Variants in ASPH observed in about 807,000 individuals in gnomAD.
The protein encoded by ASPH is aspartyl/asparaginyl beta-hydroxylase.
A neutral mutation model predicts 118.4 loss-of-function variants in ASPH; 100 were observed. That is an observed-to-expected ratio of 0.84 (90% CI 0.72 to 1.00). The LOEUF (loss-of-function observed/expected upper bound fraction) is 1.00. Ranked by LOEUF, ASPH falls within the 50% of genes least tolerant of loss-of-function variation. The probability of loss-of-function intolerance (pLI) is 0.00; values close to 1 mark genes in which losing one functional copy is unlikely to be tolerated. For synonymous variants in ASPH, 315 were observed against 325.6 expected (o/e 0.97, Z 0.35); for missense variants, 920 against 919.5 (o/e 1.00, Z -0.01).
rs1805240954 is a variant in ASPH, at chr8:61,503,285, A to C, written c.*74T>G. 6.7e-7 allele frequency: 1 copy of C among 1,490,798 alleles called. No homozygotes were observed. The highest frequency in any genetic ancestry group is 1.4e-5 in the South Asian group (1 of 73,720). The allele number at this position is 1,490,798 out of a possible 1,614,324, so 92.3% of individuals were successfully genotyped here. A position where few individuals can be genotyped will look rare whatever the true frequency, so the allele number is the denominator to read the frequency against. On this transcript the variant is annotated 3_prime_UTR_variant, in exon 25 of 25. Transcript: ENST00000379454. ...ATTGACTCTTGGTGTTCGAAATTCTATCCTCACACCCAAGGAGATGGAACC... is the reference window on the plus strand; with the variant it reads ...ATTGACTCTTGGTGTTCGAAATTCTCTCCTCACACCCAAGGAGATGGAACC...
chr8:61,638,098 C>T (rs921849567), intron 11 of ASPH, 95 bp from the exon 12 acceptor site: 17 of 1,307,434 alleles, frequency 1.3e-5, no homozygotes, highest in East Asian at 1.2e-4. Flanking sequence ...TAAATTAACT[C>T]GTGTCCACTC....
intron 22 of ASPH, 61 bp from the exon 23 acceptor site, chr8:61,518,184 T>C: frequency 1.4e-6 from 2 of 1,459,132 alleles, no homozygotes; most frequent in African/African-American, 1.4e-5. Context: ...TTATCCCATT[T>C]AGATGAGGTG....
intron 24 of ASPH, among the ~76,000 whole-genome samples, chr8:61,509,122 A>G (rs1586218194): frequency 6.6e-6 from 1 of 151,958 alleles, no homozygotes; most frequent in Non-Finnish European, 1.5e-5. Flanking sequence ...CTGAAGGAGG[A>G]GGAAAAAGAA....
chr8:61,523,523 G>C (rs1031362369), intron 22 of ASPH, among the ~76,000 whole-genome samples: 1 of 151,726 alleles, frequency 6.6e-6, no homozygotes, highest in Non-Finnish European at 1.5e-5. Context: ...CACCGTGTTG[G>C]TCAAGCTTGT....
chr8:61,688,627 CAT>C (rs1223524497), intron 1 of ASPH, among the ~76,000 whole-genome samples: 1 of 152,194 alleles, frequency 6.6e-6, no homozygotes, highest in Non-Finnish European at 1.5e-5. Context: ...AAACTCTACA[CAT>C]TTAAAGTTTT....
At chr8:61,683,160 T>C (rs1563574200) in intron 2 of ASPH, among the ~76,000 whole-genome samples, 1 of 151,922 alleles carries the variant, frequency 6.6e-6, no homozygotes, top group Non-Finnish European at 1.5e-5. Flanking sequence ...GAAAGTAGAT[T>C]AGTGTTTCCC....
chr8:61,565,153 T>C (rs1831256958), intron 17 of ASPH, among the ~76,000 whole-genome samples: 1 of 152,358 alleles, frequency 6.6e-6, no homozygotes, highest in South Asian at 2.1e-4. Context: ...CCTCAAATGA[T>C]AGTCTTTAGA....
chr8:61,676,411 G>A, intron 3 of ASPH: 4 of 1,201,160 alleles, frequency 3.3e-6, no homozygotes, highest in African/African-American at 1.5e-5. Flanking sequence ...AAAGCGAGGT[G>A]CATCAAGGTC....
intron 15 of ASPH, chr8:61,579,676 C>T: frequency 1.4e-6 from 2 of 1,382,534 alleles, no homozygotes; most frequent in Non-Finnish European, 2.0e-6. Flanking sequence ...AAGTGAACAG[C>T]TGTGGCAGCC....
intron 21 of ASPH, among the ~76,000 whole-genome samples, chr8:61,539,727 T>TGTGTGTGTGTGTGTGTGTGC (rs1377714049): frequency 6.6e-6 from 1 of 151,314 alleles, no homozygotes; most frequent in Non-Finnish European, 1.5e-5. Flanking sequence ...TGTGTGTGTG[T>TGTGTGTGTGTGTGTGTGTGC]GTGTGTGTGT....
chr8:61,656,978 C>T (rs1476361592), intron 3 of ASPH: 1 of 152,168 alleles, frequency 6.6e-6, no homozygotes, highest in Non-Finnish European at 1.5e-5. Context: ...TATTTAGCAC[C>T]TATTAATTCA....
intron 21 of ASPH, among the ~76,000 whole-genome samples, chr8:61,533,837 C>A (rs571081655): frequency 6.6e-6 from 1 of 152,306 alleles, no homozygotes; most frequent in Non-Finnish European, 1.5e-5. Context: ...CTGCTATTGT[C>A]TCCCTTTAAA....
At chr8:61,706,173 A>G (rs1836559690) in intron 1 of ASPH, among the ~76,000 whole-genome samples, 1 of 151,648 alleles carries the variant, frequency 6.6e-6, no homozygotes, top group South Asian at 2.1e-4. Context: ...CTGTAATCCC[A>G]GCACTTTGGG....
At position 61,670,235 on chromosome 8, in the gene ASPH, T is replaced by A. The variant is rs529681168; in HGVS notation, c.322+10733A>T. Among the ~76,000 whole-genome samples, 805 of 150,498 alleles carry A rather than the reference T, an allele frequency of 5.3e-3. 6 individuals carry two copies. Among genetic ancestry groups the A allele is most frequent in the African/African-American group, 0.018 (743 of 41,092 alleles). ...CAAAAAGAGAGTAAAGAAAAAAAAATTTTTTTTTGTATCCCAGAACTTAAA... is the reference window on the plus strand; with the variant it reads ...CAAAAAGAGAGTAAAGAAAAAAAAAATTTTTTTTGTATCCCAGAACTTAAA... On this transcript the variant is annotated intron_variant, in intron 3 of 24. Transcript: ENST00000379454.
At chr8:61,558,715 T>C (rs1170986010) in intron 18 of ASPH, among the ~76,000 whole-genome samples, 1 of 152,214 alleles carries the variant, frequency 6.6e-6, no homozygotes. Context: ...CTGCAGTTTA[T>C]ATGCGAATGT....
rs185904571 is a variant in ASPH, at chr8:61,643,800, T to G, written c.709+145A>C. 9.8e-6 allele frequency: 7 copies of G among 712,750 alleles called. No individual in the cohort carries two copies. The African/African-American group carries it at 1.1e-4, about 11-fold the overall frequency. 44.2% of individuals were successfully genotyped at this position (712,750 alleles called of 1,614,324 possible). On this transcript the variant is annotated intron_variant, in intron 8 of 24. Coordinates refer to ENST00000379454, the MANE Select transcript of ASPH (RefSeq NM_004318.4). Reference sequence around the variant, plus strand: ...GTATTAAACTATATTCAGACATTTCTATAAACATCTGACCAATCAAAAGTG... The same window carrying G: ...GTATTAAACTATATTCAGACATTTCGATAAACATCTGACCAATCAAAAGTG...
intron 5 of ASPH, 46 bp downstream of exon 5, chr8:61,651,004 G>T: frequency 6.6e-7 from 1 of 1,514,784 alleles, no homozygotes; most frequent in Non-Finnish European, 9.1e-7. Flanking sequence ...ACATAACTAA[G>T]CGTTATTTTA....
chr8:61,702,213 C>T (rs1245366021), intron 1 of ASPH, among the ~76,000 whole-genome samples: 1 of 151,908 alleles, frequency 6.6e-6, no homozygotes, highest in African/African-American at 2.4e-5. Flanking sequence ...CATGTCTACC[C>T]ACACCTCACC....
intron 1 of ASPH, chr8:61,689,660 A>G (rs1411664077): frequency 6.3e-7 from 1 of 1,586,576 alleles, no homozygotes; most frequent in East Asian, 2.3e-5. Context: ...TAGCCTAAAT[A>G]ACAAAAATAT....
Sources: allele counts gnomAD v4.1 joint callset (sites outside exome capture counted in the v4.1 genomes callset), GRCh38; gene constraint gnomAD v4.1.1; transcripts MANE v1.5; gene names NCBI Gene and HGNC (gene_info 2026-07-23, HGNC 2026-07-21).